EIF5B: variants seen among roughly 807,000 people sequenced by gnomAD.
EIF5B encodes the protein eIF-5B.
A neutral mutation model predicts 147.5 loss-of-function variants in EIF5B; 47 were observed. The observed-to-expected ratio is 0.32, with a 90% CI of 0.25 to 0.41. The LOEUF is 0.41. Ranked by LOEUF, EIF5B falls within the 10% of genes least tolerant of loss-of-function variation. The pLI is 1.00. For synonymous variants in EIF5B, 455 were observed against 456.2 expected (o/e 1.00, Z 0.03); for missense variants, 1,064 against 1,413.2 (o/e 0.75, Z 3.96).
intron 14 of EIF5B, 82 bp from the exon 15 acceptor site, chr2:99,389,633 CATG>C: frequency 1.5e-6 from 2 of 1,312,822 alleles, no homozygotes. Context: ...ATGAGACACA[CATG>C]AGGAATTTTC....
chr2:99,345,841 G>A (rs961959904), intron 1 of EIF5B, among the ~76,000 whole-genome samples: 9 of 151,730 alleles, frequency 5.9e-5, no homozygotes, highest in African/African-American at 2.2e-4. Context: ...TACTCAGGAG[G>A]CTGAGGTGGG....
In EIF5B at chr2:99,381,379, T is replaced by C. The variant is rs1674683752; in HGVS notation, c.2062-780T>C. ...TATAAGACACTAAAGTGGAAATAAT[T>C]ATGGTGCTCAGTGAACCAGAATGCG... is the stretch of plus-strand genomic sequence containing the variant. On this transcript the variant is annotated intron_variant, in intron 12 of 23. Coordinates refer to ENST00000289371, the MANE Select transcript of EIF5B (RefSeq NM_015904.4). Among the ~76,000 whole-genome samples the C allele has an allele frequency of 2.0e-5, 3 of 152,282 alleles. 1 individual carries two copies. The South Asian group carries it at 6.2e-4, about 32-fold the overall frequency.
At chr2:99,359,844 G>A (rs2105344026) in intron 1 of EIF5B, among the ~76,000 whole-genome samples, 1 of 152,274 alleles carries the variant, frequency 6.6e-6, no homozygotes, top group South Asian at 2.1e-4. Context: ...AAAATGCACA[G>A]GGATCCAAAT....
chr2:99,371,528 GCATA>G (rs1484239213), intron 8 of EIF5B, 124 bp from the exon 9 acceptor site: 9 of 656,612 alleles, frequency 1.4e-5, no homozygotes, highest in Non-Finnish European at 2.0e-5. Context: ...GATAATAGCT[GCATA>G]CATATTTTTT....
At chr2:99,344,460 G>A (rs1255470185) in intron 1 of EIF5B, among the ~76,000 whole-genome samples, 35 of 149,542 alleles carry the variant, frequency 2.3e-4, no homozygotes, top group East Asian at 9.9e-4. Context: ...TTTTTGAGAC[G>A]AAGTCTCACT....
chr2:99,399,427 G>A lies in EIF5B; in HGVS notation c.*13G>A. 6.2e-7 allele frequency: 1 copy of A among 1,610,630 alleles called. No homozygotes were observed. The highest frequency in any genetic ancestry group is 8.5e-7 in the Non-Finnish European group (1 of 1,177,070). ...TGAAATCATCTAATTTTTTCACATGGAGCAGGAACTGGAGTAAATGCAATA... is the reference window on the plus strand; with the variant it reads ...TGAAATCATCTAATTTTTTCACATGAAGCAGGAACTGGAGTAAATGCAATA... On this transcript the variant is annotated 3_prime_UTR_variant, in exon 24 of 24. Coordinates refer to ENST00000289371, the MANE Select transcript of EIF5B (RefSeq NM_015904.4).
At chr2:99,337,827 C>T (rs1020372303) in intron 1 of EIF5B, among the ~76,000 whole-genome samples, 2 of 152,222 alleles carry the variant, frequency 1.3e-5, no homozygotes, top group Non-Finnish European at 2.9e-5. Flanking sequence ...CCTTCCCCGG[C>T]CTGAGGAGCG....
At chr2:99,380,606 A>G (rs1339123002) in intron 12 of EIF5B, among the ~76,000 whole-genome samples, 1 of 152,210 alleles carries the variant, frequency 6.6e-6, no homozygotes, top group Non-Finnish European at 1.5e-5. Context: ...CCTCAGTTTC[A>G]TTATCACAGA....
In EIF5B at chr2:99,377,567, G is replaced by C. The variant is rs1212978915; in HGVS notation, c.1842+931G>C. On this transcript the variant is annotated intron_variant, in intron 10 of 23. Coordinates refer to ENST00000289371, the MANE Select transcript of EIF5B (RefSeq NM_015904.4). ...AGCACCTACTCCCACCAGCTCCCTT[G>C]CCATATACCCATGTTCGAGAGAGTG... Among the ~76,000 whole-genome samples the C allele has an allele frequency of 3.3e-5, 5 of 151,452 alleles. No individual in the cohort carries two copies. In the East Asian group the frequency reaches 9.6e-4, roughly 29 times the overall value.
At position 99,337,539 on chromosome 2, in the gene EIF5B, G is replaced by C. The variant is rs774657651; in HGVS notation, c.-16G>C. The C allele has an allele frequency of 6.2e-7, 1 of 1,612,060 alleles. No individual in the cohort carries two copies. Among genetic ancestry groups the C allele is most frequent in the South Asian group, 1.1e-5 (1 of 90,834 alleles). ...CCGAATAGAGGGGCTGGGGCCACGA[G>C]CGCCATTGACAAGCAATGGGGAAGA... On this transcript the variant is annotated 5_prime_UTR_variant, in exon 1 of 24. Coordinates refer to ENST00000289371, the MANE Select transcript of EIF5B (RefSeq NM_015904.4).
At chr2:99,393,502 TA>T (rs932526393) in intron 18 of EIF5B, among the ~76,000 whole-genome samples, 315 of 139,868 alleles carry the variant, frequency 2.3e-3, no homozygotes, top group Non-Finnish European at 2.1e-3. Context: ...GGACCCTGTC[TA>T]AAAAAAAAAA....
intron 22 of EIF5B, chr2:99,397,156 ACT>A: frequency 3.4e-6 from 1 of 294,154 alleles, no homozygotes; most frequent in Non-Finnish European, 6.2e-6. Flanking sequence ...GTCAGTGTTG[ACT>A]CAGTGCTGAT....
At position 99,376,365 on chromosome 2, in the gene EIF5B, A is replaced by T; in HGVS notation, c.1571A>T (p.His524Leu). The T allele has an allele frequency of 6.9e-7, 1 of 1,457,088 alleles. No homozygotes were observed. The highest frequency in any genetic ancestry group is 1.4e-5 in the African/African-American group (1 of 69,458). The allele number at this position is 1,457,088 out of a possible 1,614,324, so 90.3% of individuals were successfully genotyped here. ...ETEKVEGNKV[H>L]IEVKENPEEE... is the part of the protein sequence containing the mutation. Reference sequence around the variant, plus strand: ...TTCGTAGTAGAAGGAAACAAAGTTCATATAGAAGTAAAAGAAAACCCTGAA... The same window carrying T: ...TTCGTAGTAGAAGGAAACAAAGTTCTTATAGAAGTAAAAGAAAACCCTGAA... The change falls in exon 10 of 24, where the codon CAT (histidine) becomes CTT (leucine). Residue 524 changes from histidine to leucine, a missense_variant. By Grantham distance (99) the His-to-Leu change is moderately conservative. Transcript: ENST00000289371.
At chr2:99,393,410 G>A (rs1674976282) in intron 18 of EIF5B, among the ~76,000 whole-genome samples, 1 of 152,138 alleles carries the variant, frequency 6.6e-6, no homozygotes. Flanking sequence ...GGAGGCTGAG[G>A]CAGGAGAATC....
chr2:99,394,980 A>C lies in EIF5B; in HGVS notation c.3254+97A>C, dbSNP rs932215765. 5.2e-6 allele frequency: 6 copies of C among 1,145,658 alleles called. No individual in the cohort carries two copies. In the African/African-American group the frequency reaches 9.3e-5, roughly 18 times the overall value. The allele number at this position is 1,145,658 out of a possible 1,614,324, so 71.0% of individuals were successfully genotyped here. On this transcript the variant is annotated intron_variant, in intron 21 of 23. Coordinates refer to ENST00000289371, the MANE Select transcript of EIF5B (RefSeq NM_015904.4). The stretch of plus-strand genomic sequence containing the variant: ...GGGCTGTAAACAGCAAAATCATGGC[A>C]TTTACTCATCTACCAGAGGCTGCAT...
At chr2:99,355,344 T>G (rs1674072136) in intron 1 of EIF5B, among the ~76,000 whole-genome samples, 1 of 152,172 alleles carries the variant, frequency 6.6e-6, no homozygotes, top group Admixed American at 6.5e-5. Context: ...GCTGAGATTT[T>G]TATTGGAATT....
chr2:99,358,756 CTAAGAA>C (rs1674144753), intron 1 of EIF5B, among the ~76,000 whole-genome samples: 1 of 152,100 alleles, frequency 6.6e-6, no homozygotes, highest in Admixed American at 6.6e-5. Flanking sequence ...ACCCCTTTTA[CTAAGAA>C]TAAGGTGCCT....
At chr2:99,364,459 C>T in intron 6 of EIF5B, 38 bp downstream of exon 6, 1 of 1,534,392 alleles carries the variant, frequency 6.5e-7, no homozygotes, top group African/African-American at 1.4e-5. Context: ...GGTCAGAGAG[C>T]TCTGCACATG....
chr2:99,394,133 T>C (rs1290831186), intron 18 of EIF5B, 134 bp from the exon 19 acceptor site: 1 of 1,136,434 alleles, frequency 8.8e-7, no homozygotes, highest in Non-Finnish European at 1.2e-6. Context: ...GGTTCTGTGA[T>C]GCCTTGCTCT....
Sources: gnomAD v4.1 joint callset for allele counts (sites outside exome capture counted in the v4.1 genomes callset) on GRCh38, gnomAD v4.1.1 for gene constraint, MANE v1.5 for transcripts, NCBI Gene and HGNC (gene_info 2026-07-23, HGNC 2026-07-21) for gene names.